ARHGDIB: variants seen among roughly 807,000 people sequenced by gnomAD.
ARHGDIB encodes rho GDP-dissociation inhibitor 2.
ARHGDIB carries 20 observed loss-of-function variants against 22.6 expected under a neutral mutation model. That is an observed-to-expected ratio of 0.88 (90% CI 0.62 to 1.28). The LOEUF is 1.28. Among genes scored for constraint, ARHGDIB ranks in the 50% most tolerant of loss-of-function variants. The probability of loss-of-function intolerance (pLI) is 0.00; values close to 1 mark genes in which losing one functional copy is unlikely to be tolerated. For synonymous variants in ARHGDIB, 114 were observed against 96.1 expected (o/e 1.19, Z -1.09); for missense variants, 254 against 245.4 (o/e 1.04, Z -0.23).
intron 1 of ARHGDIB, among the ~76,000 whole-genome samples, chr12:14,959,133 A>T (rs1864359298): frequency 1.3e-5 from 2 of 152,138 alleles, no homozygotes; most frequent in African/African-American, 4.8e-5. Flanking sequence ...AAAAAATAAT[A>T]ATAGGCCATG....
chr12:14,949,787 GATGTGTCTAC>G lies in ARHGDIB; in HGVS notation c.265+5_265+14del. 6.2e-7 allele frequency: 1 copy of G among 1,612,118 alleles called. No individual in the cohort carries two copies. Among genetic ancestry groups the G allele is most frequent in the Non-Finnish European group, 8.5e-7 (1 of 1,178,460 alleles). Reference sequence around the variant, plus strand: ...TCTTAGGCCCCCTTTGAACAGTACAGATGTGTCTACATACCAGTAAGGTCCATGGTGATTG... The same window carrying G: ...TCTTAGGCCCCCTTTGAACAGTACAGATACCAGTAAGGTCCATGGTGATTG... On this transcript the variant is annotated splice_donor_5th_base_variant and intron_variant, in intron 3 of 5. Coordinates refer to ENST00000228945, the MANE Select transcript of ARHGDIB (RefSeq NM_001175.7).
intron 4 of ARHGDIB, 44 bp downstream of exon 4, chr12:14,947,824 TAAAGA>T (rs1565460452): frequency 1.4e-6 from 2 of 1,440,498 alleles, no homozygotes; most frequent in African/African-American, 2.8e-5. Flanking sequence ...AGTCACTGAT[TAAAGA>T]AAAGATTTAA....
In ARHGDIB at chr12:14,949,790, G is replaced by T; in HGVS notation, c.265+12C>A. 1 of 1,612,612 alleles carries T rather than the reference G, an allele frequency of 6.2e-7. No individual in the cohort carries two copies. Among genetic ancestry groups the T allele is most frequent in the Non-Finnish European group, 8.5e-7 (1 of 1,178,886 alleles). ...TAGGCCCCCTTTGAACAGTACAGAT[G>T]TGTCTACATACCAGTAAGGTCCATG... is the stretch of plus-strand genomic sequence containing the variant. On this transcript the variant is annotated intron_variant, in intron 3 of 5. Transcript: ENST00000228945.
At chr12:14,956,294 C>A (rs1342667805) in intron 1 of ARHGDIB, 2 of 152,192 alleles carry the variant, frequency 1.3e-5, no homozygotes, top group Non-Finnish European at 2.9e-5. Context: ...GCGTTACCTC[C>A]TGCAAGTTGC....
chr12:14,947,489 A>G (rs1864045958), intron 4 of ARHGDIB, among the ~76,000 whole-genome samples: 1 of 152,166 alleles, frequency 6.6e-6, no homozygotes, highest in South Asian at 2.1e-4. Context: ...GCTATTTACA[A>G]AGTTTTGTGT....
At chr12:14,947,058 C>T (rs919884823) in intron 4 of ARHGDIB, among the ~76,000 whole-genome samples, 3 of 152,012 alleles carry the variant, frequency 2.0e-5, no homozygotes, top group African/African-American at 7.3e-5. Flanking sequence ...GAAAAAAGTT[C>T]CCAGTGTGCA....
intron 5 of ARHGDIB, among the ~76,000 whole-genome samples, chr12:14,944,115 G>A (rs1256691664): frequency 1.3e-5 from 2 of 151,320 alleles, no homozygotes; most frequent in Admixed American, 1.3e-4. Flanking sequence ...CAGACCCTTA[G>A]GTAGAAAGGA....
intron 3 of ARHGDIB, among the ~76,000 whole-genome samples, chr12:14,948,441 CT>C (rs1304092941): frequency 2.6e-5 from 4 of 152,146 alleles, no homozygotes; most frequent in Non-Finnish European, 5.9e-5. Flanking sequence ...TAAAATTCTA[CT>C]TGTTTTTATT....
chr12:14,942,563 A>G lies in ARHGDIB; in HGVS notation c.565T>C (p.Trp189Arg). 6.2e-7 allele frequency: 1 copy of G among 1,614,136 alleles called. No homozygotes were observed. The change falls in exon 6 of 6, where the codon TGG becomes CGG. Residue 189 changes from tryptophan (W) to arginine (R), a missense_variant. Coordinates refer to ENST00000228945, the MANE Select transcript of ARHGDIB (RefSeq NM_001175.7). ...TDDDKQDHLS[W>R]EWNLSIKKEW... Reference sequence around the variant, plus strand: ...TTCTTAATCGACAGGTTCCACTCCCAGCTGAGGTGGTCTTGCTTGTCATCG... The same window carrying G: ...TTCTTAATCGACAGGTTCCACTCCCGGCTGAGGTGGTCTTGCTTGTCATCG...
chr12:14,956,087 C>T (rs2120752636), intron 1 of ARHGDIB: 2 of 152,296 alleles, frequency 1.3e-5, no homozygotes, highest in South Asian at 4.1e-4. Flanking sequence ...CCCAGGTTGT[C>T]TGACTTTTAG....
chr12:14,954,081 C>T (rs1177634448), intron 1 of ARHGDIB, among the ~76,000 whole-genome samples: 1 of 152,096 alleles, frequency 6.6e-6, no homozygotes, highest in African/African-American at 2.4e-5. Context: ...TGGACTCAAG[C>T]AATTGTCTTG....
intron 3 of ARHGDIB, among the ~76,000 whole-genome samples, chr12:14,948,600 C>T (rs565509852): frequency 6.6e-6 from 1 of 152,228 alleles, no homozygotes; most frequent in South Asian, 2.1e-4. Flanking sequence ...ATTCCTGTAC[C>T]CTGATTAAGG....
In ARHGDIB at chr12:14,944,822, C is replaced by A; in HGVS notation, c.360G>T (p.Val120=). The change falls in exon 5 of 6, where the codon GTG becomes GTT. Residue 120 remains valine (V), a synonymous_variant. Transcript: ENST00000228945. ...TGTGCTGAACGTATTTCAGGCCTGA[C>A]ACAATATCCCTGTTCACCTGCAGGT... ...KIHFKVNRDI[V]SGLKYVQHTY... The A allele has an allele frequency of 6.2e-7, 1 of 1,613,460 alleles. No homozygotes were observed. The highest frequency in any genetic ancestry group is 1.3e-5 in the African/African-American group (1 of 75,020).
At chr12:14,955,817 T>C (rs1864288438) in intron 1 of ARHGDIB, among the ~76,000 whole-genome samples, 1 of 152,230 alleles carries the variant, frequency 6.6e-6, no homozygotes, top group South Asian at 2.1e-4. Context: ...AGGAATTTTA[T>C]GAAAATTCTA....
rs1418655604 is a variant in ARHGDIB at position 14,942,099 on chromosome 12, C to G, written c.*423G>C. The G allele has an allele frequency of 5.6e-6, 1 of 179,292 alleles. No homozygotes were observed. The highest frequency in any genetic ancestry group is 1.2e-5 in the Non-Finnish European group (1 of 83,196). The allele number at this position is 179,292 out of a possible 1,614,324, so 11.1% of individuals were successfully genotyped here. On this transcript the variant is annotated 3_prime_UTR_variant, in exon 6 of 6. Transcript: ENST00000228945. ...GTCTCTCACAAAAGAAGAACTCCCT[C>G]TGGCAGGGGATGTGACTAGGGACTC...
At chr12:14,943,473 G>C (rs990153292) in intron 5 of ARHGDIB, among the ~76,000 whole-genome samples, 4 of 150,846 alleles carry the variant, frequency 2.7e-5, no homozygotes, top group South Asian at 2.1e-4. Flanking sequence ...CCTCAGTTCT[G>C]ATCTCAGTCC....
chr12:14,956,258 C>T (rs1021306845), intron 1 of ARHGDIB: 11 of 152,160 alleles, frequency 7.2e-5, no homozygotes, highest in Admixed American at 6.5e-5. Context: ...TGTCAGATAA[C>T]GATGTTTCAG....
intron 4 of ARHGDIB, 89 bp from the exon 5 acceptor site, chr12:14,944,928 T>C: frequency 9.2e-7 from 1 of 1,090,854 alleles, no homozygotes. Context: ...AGCTGAATCG[T>C]CTCTGACAAT....
intron 5 of ARHGDIB, among the ~76,000 whole-genome samples, chr12:14,942,993 C>CG (rs1443273396): frequency 6.6e-6 from 1 of 152,014 alleles, no homozygotes; most frequent in African/African-American, 2.4e-5. Flanking sequence ...CTCAACCTCC[C>CG]GAGCAGCTGG....
Sources: gnomAD v4.1 joint callset for allele counts (sites outside exome capture counted in the v4.1 genomes callset) on GRCh38, gnomAD v4.1.1 for gene constraint, MANE v1.5 for transcripts, NCBI Gene and HGNC (gene_info 2026-07-23, HGNC 2026-07-21) for gene names.